The following MPHOSPH10 variants were observed in gnomAD, a reference collection of about 807,000 sequenced individuals.
MPHOSPH10 encodes U3 small nucleolar ribonucleoprotein MPP10.
MPHOSPH10 carries 33 observed loss-of-function variants against 77.3 expected under a neutral mutation model. The observed-to-expected ratio is 0.43, with a 90% confidence interval of 0.32 to 0.57. The LOEUF (loss-of-function observed/expected upper bound fraction) is 0.57. Among genes scored for constraint, MPHOSPH10 ranks in the 20% least tolerant of loss-of-function variants. The pLI is 0.07. For missense variants in MPHOSPH10, 708 were observed against 780.1 expected, an observed-to-expected ratio of 0.91 and a Z score of 1.10; for synonymous variants, 245 against 268.0, an observed-to-expected ratio of 0.91 and a Z score of 0.84.
intron 4 of MPHOSPH10, among the ~76,000 whole-genome samples, chr2:71,137,059 A>G (rs1405595796): frequency 6.6e-6 from 1 of 151,968 alleles, no homozygotes; most frequent in Non-Finnish European, 1.5e-5. Flanking sequence ...TTGAATCAGT[A>G]TTAGAAAATC....
chr2:71,139,962 CT>C, intron 6 of MPHOSPH10, 100 bp downstream of exon 6: 3 of 861,766 alleles, frequency 3.5e-6, no homozygotes, highest in Non-Finnish European at 5.5e-6. Context: ...TTTATTTTCA[CT>C]TAGTGTTCAC....
intron 7 of MPHOSPH10, among the ~76,000 whole-genome samples, chr2:71,143,312 T>C (rs182337675): frequency 6.6e-6 from 1 of 152,022 alleles, no homozygotes; most frequent in Non-Finnish European, 1.5e-5. Flanking sequence ...TTTTGTATTT[T>C]AGTAGAGACA....
chr2:71,139,036 C>G, intron 5 of MPHOSPH10: 1 of 403,782 alleles, frequency 2.5e-6, no homozygotes, highest in South Asian at 3.7e-5. Flanking sequence ...GAGCGACACT[C>G]TGTCAAAAAA....
rs1225671568 is a variant in MPHOSPH10, at chr2:71,138,505, G to A, written c.1114G>A (p.Ala372Thr). The A allele has an allele frequency of 5.7e-6, 9 of 1,582,158 alleles. No homozygotes were observed. The highest frequency in any genetic ancestry group is 2.2e-5 in the East Asian group (1 of 44,546). The change falls in exon 5 of 11, where the codon GCA becomes ACA. Residue 372 changes from alanine (A) to threonine (T), a missense_variant. Physicochemically the swap from Ala to Thr is moderately conservative, Grantham distance 58. Transcript: ENST00000244230. ...KRQEKMNEKI[A>T]SLEKELLEKK... ...TCTTTCTTAGATGAATGAAAAAATT[G>A]CATCTTTAGAAAAAGAGTTGTTAGA...
chr2:71,134,743 T>A lies in MPHOSPH10; in HGVS notation c.1044T>A (p.Asn348Lys). 1 of 1,608,710 alleles carries A rather than the reference T, an allele frequency of 6.2e-7. No individual in the cohort carries two copies. Among genetic ancestry groups the A allele is most frequent in the Non-Finnish European group, 8.5e-7 (1 of 1,177,598 alleles). The change falls in exon 4 of 11, where the codon AAT becomes AAA. Residue 348 changes from asparagine (N) to lysine (K), a missense_variant. By Grantham distance (94) the Asn-to-Lys change is moderately conservative. This residue lies in a region of MPHOSPH10 where 433 missense variants were observed against 432.6 expected (regional missense o/e 1.00). Transcript: ENST00000244230. ...AAACTGAAGATACAGGTGTTTTAAA[T>A]GTAAAGAAAAATTCTGATGAAGTTA... The part of the protein sequence containing the change: ...DAETEDTGVL[N>K]VKKNSDEVKS...
Position 71,133,150 on chromosome 2 carries a change from A to G in MPHOSPH10, c.342A>G (p.Glu114=). The G allele has an allele frequency of 6.2e-7, 1 of 1,614,180 alleles. No individual in the cohort carries two copies. Among genetic ancestry groups the G allele is most frequent in the Non-Finnish European group, 8.5e-7 (1 of 1,180,014 alleles). ...ISLLPESEEQ[E]REEDGSEIEA... is the part of the protein sequence containing the mutation. ...TTCTCCCAGAGAGTGAAGAACAGGA[A>G]CGTGAAGAGGATGGTTCAGAGATAG... is the stretch of plus-strand genomic sequence containing the variant. Residue 114 remains glutamate, a synonymous_variant, in exon 2 of 11, where the codon GAA becomes GAG. Transcript: ENST00000244230.
intron 2 of MPHOSPH10, among the ~76,000 whole-genome samples, 158 bp from the exon 3 acceptor site, chr2:71,133,790 A>G (rs1673434045): frequency 6.6e-6 from 1 of 152,180 alleles, no homozygotes; most frequent in Non-Finnish European, 1.5e-5. Flanking sequence ...TTTTCACCTA[A>G]TAATTATTTA....
chr2:71,149,230 A>G lies in MPHOSPH10; in HGVS notation c.1673A>G (p.Asn558Ser). ...TGGTTATTTTTTTAATAGGAGAAAA[A>G]TAAAGCTGGAGATATAAAAACAGCT... ...LLAPEEIKEK[N>S]KAGDIKTAAE... Residue 558 changes from asparagine to serine, a missense_variant, in exon 10 of 11, where the codon AAT (asparagine) becomes AGT (serine). By Grantham distance (46) the Asn-to-Ser change is conservative (BLOSUM62 1). Around this residue, in one of 3 missense-constraint regions of MPHOSPH10, gnomAD observed 263 missense variants for 320.0 expected, o/e 0.82. Coordinates refer to ENST00000244230, the MANE Select transcript of MPHOSPH10 (RefSeq NM_005791.3). The G allele has an allele frequency of 6.4e-7, 1 of 1,551,108 alleles. No individual in the cohort carries two copies. The highest frequency in any genetic ancestry group is 8.7e-7 in the Non-Finnish European group (1 of 1,151,568).
Position 71,133,529 on chromosome 2 carries a change from G to T in MPHOSPH10, c.721G>T (p.Asp241Tyr), listed in dbSNP as rs779673815. 8.7e-6 allele frequency: 14 copies of T among 1,610,156 alleles called. No individual in the cohort carries two copies. The Admixed American group carries it at 2.4e-4, about 27-fold the overall frequency. The change falls in exon 2 of 11, where the codon GAT becomes TAT. Residue 241 changes from aspartate to tyrosine, a missense_variant. Transcript: ENST00000244230. ...EEDIDFFEDIDSDEDEGGLFG... is the reference protein window; with the variant it reads ...EEDIDFFEDIYSDEDEGGLFG... Reference sequence around the variant, plus strand: ...AGATATTGATTTTTTTGAAGATATTGATTCTGATGAAGATGAAGGGGGACT... The same window carrying T: ...AGATATTGATTTTTTTGAAGATATTTATTCTGATGAAGATGAAGGGGGACT...
At chr2:71,147,916 TTTAAG>T (rs1673749495) in intron 8 of MPHOSPH10, 78 bp from the exon 9 acceptor site, 5 of 1,054,880 alleles carry the variant, frequency 4.7e-6, no homozygotes, top group East Asian at 4.8e-5. Context: ...TATATTATAC[TTTAAG>T]TTAATAGGTT....
chr2:71,145,458 C>T (rs1221921660), intron 8 of MPHOSPH10, among the ~76,000 whole-genome samples: 1 of 151,090 alleles, frequency 6.6e-6, no homozygotes, highest in African/African-American at 2.4e-5. Flanking sequence ...AATATTTTAT[C>T]TTCTCAGACA....
chr2:71,145,266 C>T (rs948843283), intron 8 of MPHOSPH10, among the ~76,000 whole-genome samples: 20 of 152,118 alleles, frequency 1.3e-4, no homozygotes, highest in African/African-American at 4.6e-4. Context: ...CCTTTGGTGC[C>T]TGTGTTGTTG....
rs1023331455 is a variant in MPHOSPH10 at position 71,138,944 on chromosome 2, G to T, written c.1240+313G>T. The T allele has an allele frequency of 8.8e-6, 5 of 568,386 alleles. No homozygotes were observed. The Admixed American group carries it at 1.2e-4, about 14-fold the overall frequency. The allele number at this position is 568,386 out of a possible 1,614,324, so 35.2% of individuals were successfully genotyped here. A position where few individuals can be genotyped will look rare whatever the true frequency, so the allele number is the denominator to read the frequency against. On this transcript the variant is annotated intron_variant, in intron 5 of 10. Coordinates refer to ENST00000244230, the MANE Select transcript of MPHOSPH10 (RefSeq NM_005791.3). The stretch of plus-strand genomic sequence containing the variant: ...ATCTACTCGGAAGGCTGAGGCAGGA[G>T]AATTGCTTGAACCCAGAAAGGGGAG...
rs1406487124 is a variant in MPHOSPH10 at position 71,134,680 on chromosome 2, C to T, written c.981C>T (p.Ser327=). The change falls in exon 4 of 11, where the codon AGC becomes AGT. Residue 327 remains serine (S), a synonymous_variant. Coordinates refer to ENST00000244230, the MANE Select transcript of MPHOSPH10 (RefSeq NM_005791.3). Reference sequence around the variant, plus strand: ...AAGACAATAAACAACATAAAGAAAGCTTGAAAAGAGTGACCTTTGCTTTAC... The same window carrying T: ...AAGACAATAAACAACATAAAGAAAGTTTGAAAAGAGTGACCTTTGCTTTAC... The part of the protein sequence containing the change: ...ENEDNKQHKE[S]LKRVTFALPD... The T allele has an allele frequency of 3.1e-6, 5 of 1,611,518 alleles. No individual in the cohort carries two copies. Among genetic ancestry groups the T allele is most frequent in the Admixed American group, 1.7e-5 (1 of 59,502 alleles).
At position 71,149,002 on chromosome 2, in the gene MPHOSPH10, C is replaced by T. The variant is rs1283619078; in HGVS notation, c.1666-221C>T. 2.6e-5 allele frequency: 14 copies of T among 547,796 alleles called. No homozygotes were observed. In the East Asian group the frequency reaches 4.0e-4, roughly 16 times the overall value. The allele number at this position is 547,796 out of a possible 1,614,324, so 33.9% of individuals were successfully genotyped here. A position where few individuals can be genotyped will look rare whatever the true frequency, so the allele number is the denominator to read the frequency against. On this transcript the variant is annotated intron_variant, in intron 9 of 10. Coordinates refer to ENST00000244230, the MANE Select transcript of MPHOSPH10 (RefSeq NM_005791.3). ...TTGTGAATTAGTTTGGGAACTGAAC[C>T]GTCACTATAAGAGTCTGTGCCTGTC...
At chr2:71,132,457 A>C (rs1242800688) in intron 1 of MPHOSPH10, among the ~76,000 whole-genome samples, 1 of 152,160 alleles carries the variant, frequency 6.6e-6, no homozygotes, top group East Asian at 1.9e-4. Context: ...TTCTGCCTGG[A>C]ATACATGTTT....
chr2:71,145,991 C>T (rs888121269), intron 8 of MPHOSPH10, among the ~76,000 whole-genome samples: 2 of 152,238 alleles, frequency 1.3e-5, no homozygotes, highest in African/African-American at 2.4e-5. Flanking sequence ...GCTCCTTTTC[C>T]TCATAGCTGC....
rs375023128 is a variant in MPHOSPH10, at chr2:71,144,386, A to G, written c.1447-42A>G. On this transcript the variant is annotated intron_variant, in intron 7 of 10. Transcript: ENST00000244230. Reference sequence around the variant, plus strand: ...TTTAGTGTTTTGTCCTGTGATATATATCAAGTCGCTTAGTTTGACATTGTT... The same window carrying G: ...TTTAGTGTTTTGTCCTGTGATATATGTCAAGTCGCTTAGTTTGACATTGTT... 4.2e-6 allele frequency: 6 copies of G among 1,416,648 alleles called. No homozygotes were observed. In the East Asian group the frequency reaches 9.1e-5, roughly 22 times the overall value. The allele number at this position is 1,416,648 out of a possible 1,614,324, so 87.8% of individuals were successfully genotyped here.
intron 4 of MPHOSPH10, among the ~76,000 whole-genome samples, chr2:71,135,065 C>T (rs1673458872): frequency 6.6e-6 from 1 of 152,158 alleles, no homozygotes; most frequent in Non-Finnish European, 1.5e-5. Flanking sequence ...ACTCTGGTGT[C>T]TGAGGTGGGA....
Sources: allele counts gnomAD v4.1 joint callset (sites outside exome capture counted in the v4.1 genomes callset), GRCh38; gene constraint gnomAD v4.1.1; regional missense constraint gnomAD v4.1.1; transcripts MANE v1.5; gene names NCBI Gene and HGNC (gene_info 2026-07-23, HGNC 2026-07-21).